Variants in VPS13C observed in about 807,000 individuals in gnomAD.
The protein encoded by VPS13C is intermembrane lipid transfer protein VPS13C.
In VPS13C, 358 loss-of-function variants were observed where a neutral mutation model predicts 456.8. The observed-to-expected ratio is 0.78, with a 90% confidence interval of 0.72 to 0.86. The LOEUF (loss-of-function observed/expected upper bound fraction) is 0.86. Among genes scored for constraint, VPS13C ranks in the 40% least tolerant of loss-of-function variants. The probability of loss-of-function intolerance (pLI) is 0.00; values close to 1 mark genes in which losing one functional copy is unlikely to be tolerated. For synonymous variants in VPS13C, 1,578 were observed against 1,486.7 expected, an observed-to-expected ratio of 1.06 and a Z score of -1.41; for missense variants, 4,818 against 4,385.4, an observed-to-expected ratio of 1.10 and a Z score of -2.79.
At chr15:61,960,694 G>C (rs1444886339) in intron 35 of VPS13C, among the ~76,000 whole-genome samples, 2 of 152,190 alleles carry the variant, frequency 1.3e-5, no homozygotes, top group African/African-American at 4.8e-5. Context: ...GGTGAATCTA[G>C]ATGAAGGATA....
intron 66 of VPS13C, among the ~76,000 whole-genome samples, chr15:61,893,479 T>C (rs909008728): frequency 1.3e-5 from 2 of 151,510 alleles, no homozygotes; most frequent in East Asian, 3.9e-4. Flanking sequence ...TTACAAAAAA[T>C]GATAAAAGGA....
chr15:61,885,979 T>G (rs1337053073), intron 67 of VPS13C, among the ~76,000 whole-genome samples: 4 of 152,148 alleles, frequency 2.6e-5, no homozygotes, highest in African/African-American at 9.6e-5. Flanking sequence ...TCATTTGCCT[T>G]GTTTTTGTAA....
chr15:61,874,997 T>G lies in VPS13C; in HGVS notation c.10339-46A>C, dbSNP rs745344200. The G allele has an allele frequency of 2.7e-6, 4 of 1,473,646 alleles. No homozygotes were observed. In the South Asian group the frequency reaches 4.2e-5, roughly 16 times the overall value. 91.3% of individuals were successfully genotyped at this position (1,473,646 alleles called of 1,614,324 possible). A position where few individuals can be genotyped will look rare whatever the true frequency, so the allele number is the denominator to read the frequency against. ...ATAATCTTATTATTTAAAATTTAAG[T>G]TTCAGACTTTTACTTTAATAGTTCA... On this transcript the variant is annotated intron_variant, in intron 76 of 84. Transcript: ENST00000644861.
At chr15:61,860,359 C>G (rs1328754736) in intron 82 of VPS13C, among the ~76,000 whole-genome samples, 1 of 152,084 alleles carries the variant, frequency 6.6e-6, no homozygotes, top group African/African-American at 2.4e-5. Context: ...GGAGAAAGAA[C>G]ACTTTCATAT....
chr15:61,991,764 A>G lies in VPS13C; in HGVS notation c.1392T>C (p.Ala464=), dbSNP rs547032520. Residue 464 remains alanine (A), a synonymous_variant, in exon 17 of 85, where the codon GCT becomes GCC. Transcript: ENST00000644861. Reference sequence around the variant, plus strand: ...AGCCTCCACGTTTCTCGCCTGTGTCAGCAGACTTTTTCCTTAATTTTTGCC... The same window carrying G: ...AGCCTCCACGTTTCTCGCCTGTGTCGGCAGACTTTTTCCTTAATTTTTGCC... ...RSGQKLRKKS[A]DTGEKRGGWF... The G allele has an allele frequency of 6.2e-7, 1 of 1,613,488 alleles. No homozygotes were observed. The highest frequency in any genetic ancestry group is 1.1e-5 in the South Asian group (1 of 90,940).
chr15:62,029,286 A>G (rs1225454089), intron 5 of VPS13C, among the ~76,000 whole-genome samples: 1 of 152,150 alleles, frequency 6.6e-6, no homozygotes, highest in African/African-American at 2.4e-5. Flanking sequence ...TAAATCCTCA[A>G]TAAATGTCAA....
At position 61,853,360 on chromosome 15, in the gene VPS13C, T is replaced by C. The variant is rs1893743672; in HGVS notation, c.*1097A>G. The stretch of plus-strand genomic sequence containing the variant: ...ATATTGAATTTTACATATTTCAGAG[T>C]CTTGAGAAACTTAAAGTGCAGTATT... On this transcript the variant is annotated 3_prime_UTR_variant, in exon 85 of 85. Transcript: ENST00000644861. The C allele has an allele frequency of 6.6e-6, 1 of 152,106 alleles. No homozygotes were observed. The highest frequency in any genetic ancestry group is 1.5e-5 in the Non-Finnish European group (1 of 68,000). 9.4% of individuals were successfully genotyped at this position (152,106 alleles called of 1,614,324 possible). A position where few individuals can be genotyped will look rare whatever the true frequency, so the allele number is the denominator to read the frequency against.
intron 1 of VPS13C, among the ~76,000 whole-genome samples, chr15:62,045,723 C>A (rs1220902124): frequency 4.6e-5 from 7 of 151,298 alleles, no homozygotes. Flanking sequence ...AATTTAGCTA[C>A]AAGGATATTG....
intron 23 of VPS13C, among the ~76,000 whole-genome samples, chr15:61,978,056 TA>T (rs1342216958): frequency 1.3e-5 from 2 of 151,908 alleles, no homozygotes; most frequent in African/African-American, 4.8e-5. Flanking sequence ...AGTAAGTCTT[TA>T]AAAAAACAAA....
chr15:61,979,315 A>G (rs2045803003), intron 22 of VPS13C, among the ~76,000 whole-genome samples: 1 of 152,182 alleles, frequency 6.6e-6, no homozygotes. Flanking sequence ...ACCAAAAGAA[A>G]CTTGTACTAA....
chr15:61,921,243 A>C (rs1387964443), intron 55 of VPS13C, among the ~76,000 whole-genome samples: 1 of 152,054 alleles, frequency 6.6e-6, no homozygotes, highest in African/African-American at 2.4e-5. Flanking sequence ...AGGTTAAGTG[A>C]CTCATCTTTA....
At chr15:61,981,685 C>A (rs917291146) in intron 21 of VPS13C, among the ~76,000 whole-genome samples, 3 of 151,962 alleles carry the variant, frequency 2.0e-5, no homozygotes, top group African/African-American at 7.3e-5. Flanking sequence ...ACGGTGAAAC[C>A]CCGTCTGTAC....
chr15:61,880,659 C>A lies in VPS13C; in HGVS notation c.9952G>T (p.Asp3318Tyr). 1 of 1,599,996 alleles carries A rather than the reference C, an allele frequency of 6.3e-7. No homozygotes were observed. The highest frequency in any genetic ancestry group is 8.5e-7 in the Non-Finnish European group (1 of 1,174,378). Residue 3318 changes from aspartate (D) to tyrosine (Y), a missense_variant, in exon 73 of 85, where the codon GAT becomes TAT. Coordinates refer to ENST00000644861, the MANE Select transcript of VPS13C (RefSeq NM_020821.3). ...NAELMETSMT[D>Y]MSILSFFEHF... Reference sequence around the variant, plus strand: ...TCAAAGAAACTAAGAATTGACATATCAGTCATTGAAGTCTCCATTAATTCT... The same window carrying A: ...TCAAAGAAACTAAGAATTGACATATAAGTCATTGAAGTCTCCATTAATTCT...
chr15:61,897,390 T>C (rs925273086), intron 66 of VPS13C, among the ~76,000 whole-genome samples: 2 of 151,812 alleles, frequency 1.3e-5, no homozygotes, highest in African/African-American at 4.8e-5. Context: ...GAATAACCAA[T>C]ACAGAGAAGT....
At position 61,875,949 on chromosome 15, in the gene VPS13C, A is replaced by C. The variant is rs1316743573; in HGVS notation, c.10225-104T>G. ...TTACTGATAAAATTAAGTTTGTGTT[A>C]AAAGAAAGCTGTATGGAATAATCAC... On this transcript the variant is annotated intron_variant, in intron 75 of 84. Coordinates refer to ENST00000644861, the MANE Select transcript of VPS13C (RefSeq NM_020821.3). 3 of 781,740 alleles carry C rather than the reference A, an allele frequency of 3.8e-6. No individual in the cohort carries two copies. The African/African-American group carries it at 5.4e-5, about 14-fold the overall frequency. The allele number at this position is 781,740 out of a possible 1,614,324, so 48.4% of individuals were successfully genotyped here.
chr15:61,858,325 T>C lies in VPS13C; in HGVS notation c.10953-1916A>G, dbSNP rs1019897969. Among the ~76,000 whole-genome samples, 1 of 63,676 alleles carries C rather than the reference T, an allele frequency of 1.6e-5. No homozygotes were observed. The allele number at this position is 63,676 out of a possible 152,430, so 41.8% of individuals were successfully genotyped here. Reference sequence around the variant, plus strand: ...TTTTTATCCAAACTCCAACTATCTATCTATCTATCTATCTATCTATCTATC... The same window carrying C: ...TTTTTATCCAAACTCCAACTATCTACCTATCTATCTATCTATCTATCTATC... On this transcript the variant is annotated intron_variant, in intron 82 of 84. Transcript: ENST00000644861. The surrounding 1 kb of genome is among the most constrained non-coding windows in gnomAD (Gnocchi z 4.4).
chr15:61,980,183 C>CAAAAAA (rs71125960), intron 22 of VPS13C, among the ~76,000 whole-genome samples: 12 of 45,260 alleles, frequency 2.7e-4, no homozygotes, highest in Non-Finnish European at 2.9e-4. Flanking sequence ...GACCCCATCT[C>CAAAAAA]AAAAAAAAAA....
At chr15:61,934,446 C>A in intron 48 of VPS13C, 115 bp from the exon 49 acceptor site, 1 of 505,952 alleles carries the variant, frequency 2.0e-6, no homozygotes, top group South Asian at 6.6e-5. Flanking sequence ...TTCTGTAAAT[C>A]ATATTGAGAC....
chr15:62,000,007 C>T (rs2046550451), intron 16 of VPS13C, among the ~76,000 whole-genome samples: 1 of 151,362 alleles, frequency 6.6e-6, no homozygotes, highest in South Asian at 2.1e-4. Context: ...TCTAAGTTGT[C>T]AGAATTATAG....
Sources: gnomAD v4.1 joint callset for allele counts (sites outside exome capture counted in the v4.1 genomes callset) on GRCh38, gnomAD v4.1.1 for gene constraint, Gnocchi (gnomAD v3.1) non-coding constraint, MANE v1.5 for transcripts, NCBI Gene and HGNC (gene_info 2026-07-23, HGNC 2026-07-21) for gene names.